Variants in NXN observed in about 807,000 individuals in gnomAD.
NXN encodes nucleoredoxin 1.
NXN carries 16 observed loss-of-function variants against 48.6 expected under a neutral mutation model. The ratio of observed to expected loss-of-function variants is 0.33; its 90% CI spans 0.22 to 0.50. The LOEUF (loss-of-function observed/expected upper bound fraction) is 0.50. Among genes scored for constraint, NXN ranks in the 20% least tolerant of loss-of-function variants. NXN has a pLI of 0.98. For synonymous variants in NXN, 281 were observed against 269.6 expected, an observed-to-expected ratio of 1.04 and a Z score of -0.41; for missense variants, 492 against 605.5, an observed-to-expected ratio of 0.81 and a Z score of 1.97.
At chr17:896,260 A>G (rs2068484494) in intron 1 of NXN, among the ~76,000 whole-genome samples, 1 of 151,804 alleles carries the variant, frequency 6.6e-6, no homozygotes, top group South Asian at 2.1e-4. Context: ...GAATCACTTG[A>G]ACCCAGGAGG....
chr17:913,856 G>A (rs1249442978), intron 1 of NXN, among the ~76,000 whole-genome samples: 4 of 152,086 alleles, frequency 2.6e-5, no homozygotes, highest in African/African-American at 9.7e-5. Context: ...TCATTATAAC[G>A]GCGTGTCCTC....
In NXN at chr17:889,362, G is replaced by T. The variant is rs935935903; in HGVS notation, c.361-63284C>A. 3.3e-5 allele frequency among the ~76,000 whole-genome samples: 5 copies of T among 152,332 alleles called. 1 individual carries two copies. The Middle Eastern group carries it at 0.01, about 311-fold the overall frequency. On this transcript the variant is annotated intron_variant, in intron 1 of 7. Coordinates refer to ENST00000336868, the MANE Select transcript of NXN (RefSeq NM_022463.5). The stretch of plus-strand genomic sequence containing the variant: ...CTGCTACCCGCAGTGATCCTGCATC[G>T]GAGGCAAAAAGACCACAGGAAGGTA...
chr17:908,494 C>T (rs1341468778), intron 1 of NXN, among the ~76,000 whole-genome samples: 1 of 152,118 alleles, frequency 6.6e-6, no homozygotes, highest in Non-Finnish European at 1.5e-5. Flanking sequence ...TGAGATTGTG[C>T]CGTTGCACTC....
chr17:973,163 G>A (rs1347273682), intron 1 of NXN, among the ~76,000 whole-genome samples: 1 of 152,196 alleles, frequency 6.6e-6, no homozygotes, highest in East Asian at 1.9e-4. Context: ...GCTACTCAGA[G>A]GCAGGCCTGA....
At chr17:895,697 A>G (rs1028938587) in intron 1 of NXN, among the ~76,000 whole-genome samples, 9 of 150,422 alleles carry the variant, frequency 6.0e-5, no homozygotes, top group Admixed American at 1.3e-4. Context: ...GGGCACCTGT[A>G]GTCCCAGCTA....
chr17:864,903 G>A (rs372317082), intron 1 of NXN, among the ~76,000 whole-genome samples: 3 of 152,234 alleles, frequency 2.0e-5, no homozygotes, highest in South Asian at 2.1e-4. Context: ...CATTCAACAC[G>A]GATGAAAAGA....
intron 1 of NXN, among the ~76,000 whole-genome samples, chr17:857,789 C>G (rs1321492323): frequency 6.6e-6 from 1 of 152,144 alleles, no homozygotes; most frequent in Non-Finnish European, 1.5e-5. Flanking sequence ...GAGACCTCCT[C>G]TAGGTGGCAC....
In NXN at chr17:938,073, G is replaced by A. The variant is rs538724010; in HGVS notation, c.360+41246C>T. Among the ~76,000 whole-genome samples, 9 of 152,348 alleles carry A rather than the reference G, an allele frequency of 5.9e-5. No homozygotes were observed. In the East Asian group the frequency reaches 1.5e-3, roughly 26 times the overall value. On this transcript the variant is annotated intron_variant, in intron 1 of 7. Coordinates refer to ENST00000336868, the MANE Select transcript of NXN (RefSeq NM_022463.5). ...GGACCACATTTGAAAACCCACCAAG[G>A]CCAACCTTGCAATGGCCTTCTGCGT...
chr17:914,839 G>A (rs762271974), intron 1 of NXN, among the ~76,000 whole-genome samples: 3 of 152,172 alleles, frequency 2.0e-5, no homozygotes, highest in Admixed American at 6.5e-5. Flanking sequence ...TGATGAGTGC[G>A]TGGAACCAAC....
intron 1 of NXN, among the ~76,000 whole-genome samples, chr17:828,873 A>G (rs368091081): frequency 6.6e-6 from 1 of 150,946 alleles, no homozygotes; most frequent in Non-Finnish European, 1.5e-5. Context: ...GAAAAGGAAG[A>G]TTAAAATGAT....
At chr17:967,682 G>A (rs2069322796) in intron 1 of NXN, among the ~76,000 whole-genome samples, 2 of 152,206 alleles carry the variant, frequency 1.3e-5, no homozygotes, top group Admixed American at 1.3e-4. Flanking sequence ...AATGTAATGG[G>A]CAAATTTTAT....
intron 1 of NXN, chr17:879,951 A>G (rs1319681924): frequency 5.3e-5 from 8 of 152,154 alleles, no homozygotes; most frequent in Admixed American, 4.6e-4. Context: ...TGACAAACAA[A>G]ATGACATGGA....
Position 889,761 on chromosome 17 carries a change from A to AAGAG in NXN, c.361-63684_361-63683insCTCT, listed in dbSNP as rs1555619043. 4.2e-4 allele frequency among the ~76,000 whole-genome samples: 30 copies of AAGAG among 70,826 alleles called. 1 individual carries two copies. In the East Asian group the frequency reaches 9.6e-3, roughly 23 times the overall value. The allele number at this position is 70,826 out of a possible 152,430, so 46.5% of individuals were successfully genotyped here. A position where few individuals can be genotyped will look rare whatever the true frequency, so the allele number is the denominator to read the frequency against. On this transcript the variant is annotated intron_variant, in intron 1 of 7. Coordinates refer to ENST00000336868, the MANE Select transcript of NXN (RefSeq NM_022463.5). The stretch of plus-strand genomic sequence containing the variant: ...AAAGAAAGAAAGAAAGAAAGAAAGA[A>AAGAG]AAAGAAAGAAAGAAAAGAGAGAGAA...
Position 805,182 on chromosome 17 carries a change from C to T in NXN, c.886G>A (p.Val296Met). 1 of 1,609,356 alleles carries T rather than the reference C, an allele frequency of 6.2e-7. No homozygotes were observed. The highest frequency in any genetic ancestry group is 8.5e-7 in the Non-Finnish European group (1 of 1,178,486). Residue 296 changes from valine to methionine, a missense_variant, in exon 6 of 8, where the codon GTG becomes ATG. This residue lies in a region of NXN where 303 missense variants were observed against 388.3 expected (regional missense o/e 0.78). Transcript: ENST00000336868. Reference protein sequence around the residue: ...EVITRQGRVEVLNDEDCREFP... With the variant: ...EVITRQGRVEMLNDEDCREFP... ...TCCCGGCAGTCCTCGTCGTTCAGCA[C>T]CTCCACCCGCCCCTGCCGCGTGATC...
intron 5 of NXN, among the ~76,000 whole-genome samples, chr17:814,497 C>A (rs561129798): frequency 7.6e-4 from 116 of 152,266 alleles, no homozygotes; most frequent in African/African-American, 2.7e-3. Context: ...AGAGAGGGGG[C>A]GCGGCAGCAG....
chr17:896,884 A>G (rs2144887617), intron 1 of NXN: 1 of 1,118,902 alleles, frequency 8.9e-7, no homozygotes, highest in Non-Finnish European at 1.2e-6. Flanking sequence ...CAACAAACTC[A>G]CGCTATTTCT....
intron 1 of NXN, among the ~76,000 whole-genome samples, chr17:921,825 C>T (rs1373869660): frequency 6.6e-6 from 1 of 152,068 alleles, no homozygotes; most frequent in Non-Finnish European, 1.5e-5. Context: ...CCCTGGACAA[C>T]ACCTGGCAGG....
chr17:942,594 A>C (rs1344874602), intron 1 of NXN, among the ~76,000 whole-genome samples: 3 of 52,942 alleles, frequency 5.7e-5, no homozygotes, highest in Non-Finnish European at 6.6e-5. Context: ...GAATTCACCA[A>C]ACACCTTCCT....
chr17:807,417 G>T (rs1911623522), intron 5 of NXN, among the ~76,000 whole-genome samples: 1 of 152,218 alleles, frequency 6.6e-6, no homozygotes, highest in African/African-American at 2.4e-5. Flanking sequence ...GGGGGACGGG[G>T]AGGGAGGAGA....
Sources: allele counts gnomAD v4.1 joint callset (sites outside exome capture counted in the v4.1 genomes callset), GRCh38; gene constraint gnomAD v4.1.1; regional missense constraint gnomAD v4.1.1; transcripts MANE v1.5; gene names NCBI Gene and HGNC (gene_info 2026-07-23, HGNC 2026-07-21).